Variants in CPLANE1 observed in about 807,000 individuals in gnomAD.
CPLANE1 encodes the protein ciliogenesis and planar polarity effector 1.
CPLANE1 carries 263 observed loss-of-function variants against 362.5 expected under a neutral mutation model. The ratio of observed to expected loss-of-function variants is 0.73; its 90% confidence interval spans 0.66 to 0.80. The LOEUF is 0.80. Ranked by LOEUF, CPLANE1 falls within the 30% of genes least tolerant of loss-of-function variation. The probability of loss-of-function intolerance (pLI) is 0.00; values close to 1 mark genes in which losing one functional copy is unlikely to be tolerated. For missense variants in CPLANE1, 3,461 were observed against 3,793.4 expected (o/e 0.91, Z 2.30); for synonymous variants, 1,212 against 1,302.6 (o/e 0.93, Z 1.50).
intron 31 of CPLANE1, 52 bp downstream of exon 31, chr5:37,175,857 G>T: frequency 7.9e-7 from 1 of 1,265,484 alleles, no homozygotes; most frequent in Non-Finnish European, 1.1e-6. Context: ...TTCACTCTGT[G>T]ATTTGTAAAA....
At chr5:37,167,786 A>C (rs890223536) in intron 34 of CPLANE1, among the ~76,000 whole-genome samples, 1 of 152,198 alleles carries the variant, frequency 6.6e-6, no homozygotes, top group African/African-American at 2.4e-5. Context: ...CATACATAAA[A>C]ACAAAAAAAA....
At position 37,247,731 on chromosome 5, in the gene CPLANE1, A is replaced by T. The variant is rs766952689; in HGVS notation, c.-33T>A. On this transcript the variant is annotated 5_prime_UTR_variant, in exon 2 of 53. Transcript: ENST00000651892. ...AAGCTATCAATGACCAATTAAGTAA[A>T]ACAGTCCCAAGATTCTGTAAACAAT... The T allele has an allele frequency of 7.9e-6, 12 of 1,522,072 alleles. No individual in the cohort carries two copies. Among genetic ancestry groups the T allele is most frequent in the Non-Finnish European group, 1.1e-5 (12 of 1,127,858 alleles). 94.3% of individuals were successfully genotyped at this position (1,522,072 alleles called of 1,614,324 possible).
chr5:37,241,948 T>C (rs1396664206), intron 6 of CPLANE1, among the ~76,000 whole-genome samples: 1 of 152,152 alleles, frequency 6.6e-6, no homozygotes, highest in African/African-American at 2.4e-5. Context: ...TTCATGTTAC[T>C]TCATGTAAGT....
chr5:37,115,036 G>T lies in CPLANE1; in HGVS notation c.9324C>A (p.Phe3108Leu), dbSNP rs1321611327. 1 of 1,605,090 alleles carries T rather than the reference G, an allele frequency of 6.2e-7. No homozygotes were observed. The highest frequency in any genetic ancestry group is 1.3e-5 in the African/African-American group (1 of 74,784). ...CTCCACCAGCTTTTTTCTGTATGGT[G>T]AAAGTGGCAGTTCCTATACAGAGAG... Reference protein sequence around the residue: ...GSPWPHGTATFTIQKKAGGAK... With the variant: ...GSPWPHGTATLTIQKKAGGAK... The change falls in exon 51 of 53, where the codon TTC becomes TTA. Residue 3108 changes from phenylalanine (F) to leucine (L), a missense_variant. Physicochemically the swap from Phe to Leu is conservative, Grantham distance 22. Coordinates refer to ENST00000651892, the MANE Select transcript of CPLANE1 (RefSeq NM_001384732.1).
rs1475996936 is a variant in CPLANE1 at position 37,187,470 on chromosome 5, C to T, written c.4024G>A (p.Glu1342Lys). Residue 1342 changes from glutamate (E) to lysine (K), a missense_variant, in exon 23 of 53, where the codon GAA becomes AAA. By Grantham distance (56) the Glu-to-Lys change is moderately conservative. Around this residue, in one of 2 missense-constraint regions of CPLANE1, gnomAD observed 3,380 missense variants for 3,666.1 expected, o/e 0.92. Transcript: ENST00000651892. ...CTCAAAATTATATCCTGAATAAGTT[C>T]TTCCATATTAAAAAACCGAGAGAAA... ...LPFSRFFNMEELIQDIILSLI... is the reference protein window; with the variant it reads ...LPFSRFFNMEKLIQDIILSLI... 3 of 1,613,620 alleles carry T rather than the reference C, an allele frequency of 1.9e-6. No homozygotes were observed. The highest frequency in any genetic ancestry group is 2.5e-6 in the Non-Finnish European group (3 of 1,179,764).
At chr5:37,118,991 C>G (rs914048457) in intron 50 of CPLANE1, among the ~76,000 whole-genome samples, 2 of 152,022 alleles carry the variant, frequency 1.3e-5, no homozygotes, top group African/African-American at 2.4e-5. Context: ...GGATTACAGG[C>G]GTGAGCCACC....
chr5:37,185,302 A>T lies in CPLANE1; in HGVS notation c.4190-223T>A, dbSNP rs1239439029. Among the ~76,000 whole-genome samples the T allele has an allele frequency of 2.0e-5, 3 of 152,172 alleles. No homozygotes were observed. In the South Asian group the frequency reaches 6.2e-4, roughly 32 times the overall value. On this transcript the variant is annotated intron_variant, in intron 24 of 52. Coordinates refer to ENST00000651892, the MANE Select transcript of CPLANE1 (RefSeq NM_001384732.1). ...GGTCCATTAAAGAACACAGTAAAAG[A>T]GACAGAACCTAGACCTCATGAAGAA...
At chr5:37,170,439 T>C (rs1779463166) in intron 32 of CPLANE1, 108 bp from the exon 33 acceptor site, 7 of 1,171,582 alleles carry the variant, frequency 6.0e-6, no homozygotes, top group East Asian at 2.5e-5. Context: ...TTTGTCTTAA[T>C]ATCTATGAGA....
chr5:37,204,636 T>A (rs559674428), intron 18 of CPLANE1, among the ~76,000 whole-genome samples: 24 of 151,754 alleles, frequency 1.6e-4, no homozygotes, highest in African/African-American at 5.1e-4. Flanking sequence ...ATATAATTAG[T>A]GTAAAGGTAT....
chr5:37,090,713 A>G, the CPLANE1 span, among the ~76,000 whole-genome samples: 1 of 152,204 alleles, frequency 6.6e-6, no homozygotes, highest in East Asian at 1.9e-4. Flanking sequence ...ATCTGGGTTT[A>G]CTAGCACTTA....
At chr5:37,138,909 G>C (rs1175129537) in intron 45 of CPLANE1, 61 bp from the exon 46 acceptor site, 2 of 1,428,722 alleles carry the variant, frequency 1.4e-6, no homozygotes, top group East Asian at 4.7e-5. Context: ...ATTACATTAA[G>C]CAAAAATAAA....
intron 38 of CPLANE1, among the ~76,000 whole-genome samples, chr5:37,158,588 A>G (rs1005861589): frequency 6.6e-6 from 1 of 152,220 alleles, no homozygotes; most frequent in Non-Finnish European, 1.5e-5. Flanking sequence ...TACAAGAACA[A>G]TAAAGTAACT....
chr5:37,216,085 C>T (rs1307914035), intron 15 of CPLANE1, among the ~76,000 whole-genome samples: 5 of 152,090 alleles, frequency 3.3e-5, no homozygotes, highest in Non-Finnish European at 7.4e-5. Context: ...AATCGGTCCG[C>T]CTCAGCCTCC....
chr5:37,078,656 C>T, the CPLANE1 span, among the ~76,000 whole-genome samples: 1 of 151,942 alleles, frequency 6.6e-6, no homozygotes, highest in Non-Finnish European at 1.5e-5. Context: ...AACTAATTTA[C>T]ACTCCCAGCA....
At chr5:37,110,325 C>A (rs1758793799) in intron 51 of CPLANE1, among the ~76,000 whole-genome samples, 1 of 152,148 alleles carries the variant, frequency 6.6e-6, no homozygotes, top group Non-Finnish European at 1.5e-5. Context: ...ACTTTCTGTT[C>A]TGCCTTATCT....
intron 8 of CPLANE1, among the ~76,000 whole-genome samples, chr5:37,231,820 C>T (rs1471890187): frequency 6.6e-6 from 1 of 151,632 alleles, no homozygotes; most frequent in Non-Finnish European, 1.5e-5. Context: ...CCCTTATTCC[C>T]GTCTTTTCAC....
chr5:37,151,493 A>G (rs1773549844), intron 42 of CPLANE1, among the ~76,000 whole-genome samples: 1 of 152,224 alleles, frequency 6.6e-6, no homozygotes, highest in African/African-American at 2.4e-5. Context: ...TATTCCTAGA[A>G]TTTAGCACAG....
At position 37,173,757 on chromosome 5, in the gene CPLANE1, G is replaced by A; in HGVS notation, c.6169C>T (p.Gln2057Ter). The A allele has an allele frequency of 6.2e-7, 1 of 1,613,368 alleles. No individual in the cohort carries two copies. The highest frequency in any genetic ancestry group is 1.3e-5 in the African/African-American group (1 of 75,006). ...MLQDEMFKLV[Q>*]LQQINFMSLM... ...TACTTATATAGAGATGTGCTTACCT[G>A]AACTAATTTAAACATTTCATCTTGC... is the stretch of plus-strand genomic sequence containing the variant. The change falls in exon 32 of 53, where the codon CAG (glutamine) becomes TAG (stop). Residue 2057 changes from glutamine to a stop codon, truncating the protein, a stop_gained and splice_region_variant. Transcript: ENST00000651892. LOFTEE classifies it high-confidence loss of function.
intron 30 of CPLANE1, 97 bp downstream of exon 30, chr5:37,177,524 C>A: frequency 2.4e-6 from 2 of 819,118 alleles, no homozygotes; most frequent in South Asian, 1.7e-5. Context: ...AACACAATAC[C>A]ACCCTAAATC....
Sources: allele counts gnomAD v4.1 joint callset (sites outside exome capture counted in the v4.1 genomes callset), GRCh38; gene constraint gnomAD v4.1.1; regional missense constraint gnomAD v4.1.1; transcripts MANE v1.5; gene names NCBI Gene and HGNC (gene_info 2026-07-23, HGNC 2026-07-21).